MTMR7: variants seen among roughly 807,000 people sequenced by gnomAD.
MTMR7 encodes myotubularin related protein 7.
MTMR7 carries 76 observed loss-of-function variants against 81.2 expected under a neutral mutation model. The observed-to-expected ratio is 0.94, with a 90% CI of 0.78 to 1.13. The LOEUF (loss-of-function observed/expected upper bound fraction) is 1.13, where lower values mean the gene tolerates loss of function less well. Among genes scored for constraint, MTMR7 ranks in the 50% most tolerant of loss-of-function variants. The pLI is 0.00. For missense variants in MTMR7, 1,044 were observed against 820.0 expected (o/e 1.27, Z -3.34); for synonymous variants, 372 against 289.8 (o/e 1.28, Z -2.88).
intron 1 of MTMR7, among the ~76,000 whole-genome samples, chr8:17,393,727 G>A (rs544504899): frequency 6.6e-6 from 1 of 152,210 alleles, no homozygotes; most frequent in African/African-American, 2.4e-5. Flanking sequence ...GAGAACATCA[G>A]AAATAAAAGC....
chr8:17,310,119 G>A (rs1323977860), intron 9 of MTMR7, among the ~76,000 whole-genome samples: 1 of 151,972 alleles, frequency 6.6e-6, no homozygotes, highest in Non-Finnish European at 1.5e-5. Context: ...TCCCACCTCA[G>A]CCCAAGTAGC....
At position 17,341,161 on chromosome 8, in the gene MTMR7, T is replaced by C. The variant is rs371928758; in HGVS notation, c.732+202A>G. 3.7e-4 allele frequency among the ~76,000 whole-genome samples: 56 copies of C among 152,308 alleles called. No individual in the cohort carries two copies. In the South Asian group the frequency reaches 0.011, roughly 30 times the overall value. ...TGCTAGGGGCAGGGGAAATATGAAA[T>C]GTACTTGTATAGTTGGAGGCTTCAG... is the stretch of plus-strand genomic sequence containing the variant. On this transcript the variant is annotated intron_variant, in intron 6 of 13. Coordinates refer to ENST00000180173, the MANE Select transcript of MTMR7 (RefSeq NM_004686.5).
rs145319167 is a variant in MTMR7 at position 17,311,522 on chromosome 8, T to C, written c.1090A>G (p.Lys364Glu). The change falls in exon 9 of 14, where the codon AAG becomes GAG. Residue 364 changes from lysine to glutamate, a missense_variant. Coordinates refer to ENST00000180173, the MANE Select transcript of MTMR7 (RefSeq NM_004686.5). ...GTGGCCACACTCACCATGAAGCCCT[T>C]CAGAGTCCGGTAGTGAGGGTCCAGC... ...LLLDPHYRTL[K>E]GFMVLIEKDW... 2 of 1,613,970 alleles carry C rather than the reference T, an allele frequency of 1.2e-6. No homozygotes were observed. The highest frequency in any genetic ancestry group is 1.7e-6 in the Non-Finnish European group (2 of 1,179,970).
chr8:17,406,986 G>C (rs979635029), intron 1 of MTMR7, among the ~76,000 whole-genome samples: 12 of 151,984 alleles, frequency 7.9e-5, no homozygotes, highest in African/African-American at 2.9e-4. Flanking sequence ...AATGCCAATG[G>C]GTATAGTGTT....
intron 4 of MTMR7, among the ~76,000 whole-genome samples, chr8:17,356,916 A>C (rs1819908966): frequency 6.6e-6 from 1 of 152,316 alleles, no homozygotes; most frequent in East Asian, 1.9e-4. Context: ...CAAACACTTT[A>C]GAAAAGAATT....
chr8:17,380,607 A>G (rs1820728911), intron 1 of MTMR7, among the ~76,000 whole-genome samples: 1 of 151,452 alleles, frequency 6.6e-6, no homozygotes, highest in Admixed American at 6.6e-5. Context: ...AATTTTCATG[A>G]TATCCACCAC....
intron 1 of MTMR7, among the ~76,000 whole-genome samples, chr8:17,393,646 G>C (rs2106028): frequency 0.4 from 60,045 of 151,938 alleles, 12,835 homozygotes; most frequent in Admixed American, 0.55. Context: ...GAAGCTGAAC[G>C]ATGAGAACAC....
At chr8:17,333,569 G>T in intron 6 of MTMR7, among the ~76,000 whole-genome samples, 1 of 152,154 alleles carries the variant, frequency 6.6e-6, no homozygotes, top group Admixed American at 6.5e-5. Context: ...AGAAAAACCA[G>T]CCAGGCACAG....
rs774848964 is a variant in MTMR7, at chr8:17,311,547, C to G, written c.1065G>C (p.Leu355=). The change falls in exon 9 of 14, where the codon CTG becomes CTC. Residue 355 remains leucine, a synonymous_variant. Transcript: ENST00000180173. ...TCAGAGTCCGGTAGTGAGGGTCCAG[C>G]AGCAGGCTTGCCACCGAGCACACCT... ...TAQVCSVASL[L]LDPHYRTLKG... is the part of the protein sequence containing the mutation. The G allele has an allele frequency of 6.2e-7, 1 of 1,614,122 alleles. No individual in the cohort carries two copies. The highest frequency in any genetic ancestry group is 1.1e-5 in the South Asian group (1 of 91,068).
rs147139143 is a variant in MTMR7 at position 17,332,072 on chromosome 8, G to A, written c.733-790C>T. Among the ~76,000 whole-genome samples the A allele has an allele frequency of 5.1e-4, 78 of 152,204 alleles. 1 individual carries two copies. The highest frequency in any genetic ancestry group is 1.5e-3 in the African/African-American group (61 of 41,534). On this transcript the variant is annotated intron_variant, in intron 6 of 13. Coordinates refer to ENST00000180173, the MANE Select transcript of MTMR7 (RefSeq NM_004686.5). ...TCCTACTTTAGCTGGGAAATGCATCGGTTTCTAGAATGTGTAAACATTCTT... is the reference window on the plus strand; with the variant it reads ...TCCTACTTTAGCTGGGAAATGCATCAGTTTCTAGAATGTGTAAACATTCTT...
At chr8:17,406,571 T>C (rs1821588199) in intron 1 of MTMR7, among the ~76,000 whole-genome samples, 1 of 152,182 alleles carries the variant, frequency 6.6e-6, no homozygotes, top group African/African-American at 2.4e-5. Context: ...TGGAAAACAA[T>C]TTGGCAGTGC....
At chr8:17,311,108 A>G (rs1817757169) in intron 9 of MTMR7, among the ~76,000 whole-genome samples, 2 of 152,232 alleles carry the variant, frequency 1.3e-5, no homozygotes, top group Admixed American at 1.3e-4. Flanking sequence ...CCTACCAAGG[A>G]CTTTTGGCAT....
intron 6 of MTMR7, chr8:17,338,763 T>C (rs1819324651): frequency 6.6e-6 from 1 of 151,834 alleles, no homozygotes; most frequent in South Asian, 2.1e-4. Context: ...CTTTTATCTG[T>C]GTGTCGTGCT....
In MTMR7 at chr8:17,371,865, T is replaced by C. The variant is rs1369612916; in HGVS notation, c.148-666A>G. Among the ~76,000 whole-genome samples, 4 of 150,532 alleles carry C rather than the reference T, an allele frequency of 2.7e-5. No homozygotes were observed. In the East Asian group the frequency reaches 7.7e-4, roughly 29 times the overall value. On this transcript the variant is annotated intron_variant, in intron 2 of 13. Transcript: ENST00000180173. ...ACTTACCTATAGTTTTTTTTTTTTT[T>C]TTTTTTTTTTACAGTGAGACCCTTG... is the stretch of plus-strand genomic sequence containing the variant.
chr8:17,385,354 G>A (rs1044648275), intron 1 of MTMR7, among the ~76,000 whole-genome samples: 4 of 152,166 alleles, frequency 2.6e-5, no homozygotes, highest in African/African-American at 9.7e-5. Flanking sequence ...ATCCCCGCAT[G>A]CCGTGGGAGG....
intron 2 of MTMR7, 28 bp from the exon 3 acceptor site, chr8:17,371,227 C>G (rs757317564): frequency 6.2e-7 from 1 of 1,606,466 alleles, no homozygotes; most frequent in East Asian, 2.2e-5. Context: ...TGTGCATAAG[C>G]TAAGCACAAA....
chr8:17,362,310 C>A (rs968472351), intron 3 of MTMR7, among the ~76,000 whole-genome samples: 1 of 152,136 alleles, frequency 6.6e-6, no homozygotes, highest in Non-Finnish European at 1.5e-5. Flanking sequence ...AACCGCATAC[C>A]TCAGTTTGCA....
At chr8:17,321,228 A>G (rs2150509126) in intron 7 of MTMR7, among the ~76,000 whole-genome samples, 1 of 152,326 alleles carries the variant, frequency 6.6e-6, no homozygotes, top group South Asian at 2.1e-4. Flanking sequence ...CTAACCTGGA[A>G]ATGGCCTGTG....
chr8:17,395,831 A>T (rs1392016384), intron 1 of MTMR7, among the ~76,000 whole-genome samples: 1 of 152,192 alleles, frequency 6.6e-6, no homozygotes, highest in African/African-American at 2.4e-5. Context: ...TGCTTTTTTA[A>T]ACAGATGTAA....
Sources: gnomAD v4.1 joint callset for allele counts (sites outside exome capture counted in the v4.1 genomes callset) on GRCh38, gnomAD v4.1.1 for gene constraint, MANE v1.5 for transcripts, NCBI Gene and HGNC (gene_info 2026-07-23, HGNC 2026-07-21) for gene names.